Variants in ADGRG6 observed in about 807,000 individuals in gnomAD.
ADGRG6 encodes the protein G-protein coupled receptor 126.
In ADGRG6, 84 loss-of-function variants were observed where a neutral mutation model predicts 142.4. The ratio of observed to expected loss-of-function variants is 0.59; its 90% confidence interval spans 0.49 to 0.71. The LOEUF is 0.71. Ranked by LOEUF, ADGRG6 falls within the 30% of genes least tolerant of loss-of-function variation. The pLI is 0.00. For missense variants in ADGRG6, 1,367 were observed against 1,466.6 expected, an observed-to-expected ratio of 0.93 and a Z score of 1.11; for synonymous variants, 521 against 520.5, an observed-to-expected ratio of 1.00 and a Z score of -0.01.
chr6:142,390,910 C>T (rs1023807843), intron 7 of ADGRG6, among the ~76,000 whole-genome samples: 14 of 151,608 alleles, frequency 9.2e-5, no homozygotes, highest in African/African-American at 3.1e-4. Flanking sequence ...CTTTACATAC[C>T]GTTCTATACC....
At chr6:142,344,499 A>T (rs936030120) in intron 2 of ADGRG6, among the ~76,000 whole-genome samples, 2 of 152,098 alleles carry the variant, frequency 1.3e-5, no homozygotes, top group African/African-American at 2.4e-5. Flanking sequence ...TTTAAAGAAA[A>T]CAGTGTGGAT....
chr6:142,383,371 G>T (rs1781862489), intron 5 of ADGRG6, among the ~76,000 whole-genome samples: 1 of 152,132 alleles, frequency 6.6e-6, no homozygotes, highest in East Asian at 1.9e-4. Context: ...TCAAGCTGCA[G>T]ATCTGTACAG....
At chr6:142,425,697 G>A (rs918349033) in intron 22 of ADGRG6, among the ~76,000 whole-genome samples, 1 of 152,066 alleles carries the variant, frequency 6.6e-6, no homozygotes, top group African/African-American at 2.4e-5. Context: ...TGGCATCAGG[G>A]CATGTATTAG....
chr6:142,373,881 C>CTTTTTTTTTTTTT (rs769498618), intron 4 of ADGRG6, among the ~76,000 whole-genome samples: 3 of 93,870 alleles, frequency 3.2e-5, no homozygotes, highest in African/African-American at 8.3e-5. Flanking sequence ...TTTTTCTTTT[C>CTTTTTTTTTTTTT]TTTTTTTTTT....
chr6:142,316,132 T>C (rs957942009), intron 2 of ADGRG6, among the ~76,000 whole-genome samples: 2 of 152,270 alleles, frequency 1.3e-5, no homozygotes, highest in East Asian at 1.9e-4. Flanking sequence ...TTTTTAGTCA[T>C]TCCTAAACTA....
At chr6:142,373,045 C>G (rs1052224947) in intron 4 of ADGRG6, among the ~76,000 whole-genome samples, 1 of 152,100 alleles carries the variant, frequency 6.6e-6, no homozygotes, top group Non-Finnish European at 1.5e-5. Flanking sequence ...TTACCTACAC[C>G]ATAGATCCCA....
At chr6:142,378,824 T>G (rs1225451157) in intron 4 of ADGRG6, among the ~76,000 whole-genome samples, 2 of 152,244 alleles carry the variant, frequency 1.3e-5, no homozygotes, top group African/African-American at 2.4e-5. Flanking sequence ...TCTTGGCCTT[T>G]CTGGTATTCT....
rs758025977 is a variant in ADGRG6, at chr6:142,419,864, G to A, written c.3079G>A (p.Gly1027Arg). 6.2e-7 allele frequency: 1 copy of A among 1,612,342 alleles called. No individual in the cohort carries two copies. Reference sequence around the variant, plus strand: ...AGTCATATTTTATGTGACCTGTGCTGGGTATTTTGGAGTCATGTTTTTTCT... The same window carrying A: ...AGTCATATTTTATGTGACCTGTGCTAGGTATTTTGGAGTCATGTTTTTTCT... ...DPVIFYVTCA[G>R]YFGVMFFLNI... is the part of the protein sequence containing the mutation. Residue 1027 changes from glycine (G) to arginine (R), a missense_variant, in exon 22 of 25, where the codon GGG becomes AGG. Physicochemically the swap from Gly to Arg is moderately radical, Grantham distance 125. Coordinates refer to ENST00000367609, the MANE Select transcript of ADGRG6 (RefSeq NM_198569.3).
At chr6:142,411,924 A>G (rs1462994605) in intron 18 of ADGRG6, among the ~76,000 whole-genome samples, 3 of 152,152 alleles carry the variant, frequency 2.0e-5, no homozygotes, top group Non-Finnish European at 4.4e-5. Context: ...GTTAGGACAG[A>G]CTAGTGACTA....
At chr6:142,349,038 T>A (rs971909138) in intron 2 of ADGRG6, among the ~76,000 whole-genome samples, 1 of 152,252 alleles carries the variant, frequency 6.6e-6, no homozygotes, top group African/African-American at 2.4e-5. Context: ...AATGCTGAGA[T>A]ATTAAGTAAG....
intron 6 of ADGRG6, among the ~76,000 whole-genome samples, chr6:142,384,757 G>T (rs887728507): frequency 6.6e-6 from 1 of 152,044 alleles, no homozygotes; most frequent in African/African-American, 2.4e-5. Flanking sequence ...CCTGAGAAAA[G>T]AAACCCACAT....
intron 9 of ADGRG6, among the ~76,000 whole-genome samples, chr6:142,396,862 G>A (rs1775221997): frequency 6.6e-6 from 1 of 152,054 alleles, no homozygotes; most frequent in Non-Finnish European, 1.5e-5. Flanking sequence ...TGATTGTAGT[G>A]GAACAGAAAA....
chr6:142,338,013 C>CTTTTTTTTTTTTTTTTTTTTTTTTTTTTT (rs1779405902), intron 2 of ADGRG6, among the ~76,000 whole-genome samples: 2 of 26,042 alleles, frequency 7.7e-5, no homozygotes, highest in Non-Finnish European at 1.4e-4. Flanking sequence ...TGCCTTGTAT[C>CTTTTTTTTTTTTTTTTTTTTTTTTTTTTT]TTTGTTTTTT....
intron 9 of ADGRG6, among the ~76,000 whole-genome samples, chr6:142,394,857 G>A (rs1312451208): frequency 1.3e-5 from 2 of 152,040 alleles, no homozygotes; most frequent in Non-Finnish European, 2.9e-5. Context: ...CCAGAGTGCT[G>A]GGATTACATG....
chr6:142,390,469 G>A, intron 7 of ADGRG6, 126 bp downstream of exon 7: 6 of 494,344 alleles, frequency 1.2e-5, no homozygotes, highest in South Asian at 1.2e-4. Flanking sequence ...AAATATATGA[G>A]TAGATATGTA....
At chr6:142,372,713 C>A (rs1303007585) in intron 4 of ADGRG6, among the ~76,000 whole-genome samples, 1 of 152,110 alleles carries the variant, frequency 6.6e-6, no homozygotes, top group African/African-American at 2.4e-5. Flanking sequence ...CTTGAGAAGT[C>A]TTTTATCAGA....
intron 17 of ADGRG6, among the ~76,000 whole-genome samples, chr6:142,410,743 C>T (rs1776040898): frequency 6.6e-6 from 1 of 152,044 alleles, no homozygotes. Context: ...ACTTTATTAT[C>T]TTAAAATATT....
chr6:142,341,170 A>T (rs1779599375), intron 2 of ADGRG6, among the ~76,000 whole-genome samples: 1 of 151,034 alleles, frequency 6.6e-6, no homozygotes, highest in African/African-American at 2.4e-5. Context: ...CTAGGGTGTG[A>T]TGGGGAGCAG....
chr6:142,422,526 G>T lies in ADGRG6; in HGVS notation c.3319+2422G>T, dbSNP rs1272420340. Among the ~76,000 whole-genome samples the T allele has an allele frequency of 5.3e-5, 8 of 152,228 alleles. No individual in the cohort carries two copies. The South Asian group carries it at 6.2e-4, about 12-fold the overall frequency. On this transcript the variant is annotated intron_variant, in intron 22 of 24. Transcript: ENST00000367609. Reference sequence around the variant, plus strand: ...TTTTTATGGCTGCATAGTACTCCATGGTGTATATGTGCCACATTTTCTTAA... The same window carrying T: ...TTTTTATGGCTGCATAGTACTCCATTGTGTATATGTGCCACATTTTCTTAA...
Sources: gnomAD v4.1 joint callset for allele counts (sites outside exome capture counted in the v4.1 genomes callset) on GRCh38, gnomAD v4.1.1 for gene constraint, MANE v1.5 for transcripts, NCBI Gene and HGNC (gene_info 2026-07-23, HGNC 2026-07-21) for gene names.